The following CADM2 variants were observed in gnomAD, a reference collection of about 807,000 sequenced individuals.
CADM2 encodes immunoglobulin superfamily member 4D.
Under a neutral mutation model 49.8 loss-of-function variants are expected in CADM2, and 12 were observed. The observed-to-expected ratio is 0.24, with a 90% CI of 0.15 to 0.39. The LOEUF (loss-of-function observed/expected upper bound fraction) is 0.39. Ranked by LOEUF, CADM2 falls within the 10% of genes least tolerant of loss-of-function variation. CADM2 has a pLI of 1.00. For synonymous variants in CADM2, 214 were observed against 175.4 expected, an observed-to-expected ratio of 1.22 and a Z score of -1.74; for missense variants, 378 against 492.3, an observed-to-expected ratio of 0.77 and a Z score of 2.20.
intron 1 of CADM2, among the ~76,000 whole-genome samples, chr3:85,722,006 G>A (rs56133427): frequency 1.3e-4 from 19 of 150,502 alleles, no homozygotes; most frequent in Middle Eastern, 3.5e-3. Flanking sequence ...TCCTGTCTAC[G>A]GGCAGGTTGT....
At chr3:85,596,852 A>G (rs2044723) in intron 1 of CADM2, among the ~76,000 whole-genome samples, 90,210 of 151,786 alleles carry the variant, frequency 0.59, 28,292 homozygotes, top group East Asian at 0.93. Context: ...TACTAGCCGG[A>G]ACTACAGGCA....
chr3:85,408,649 A>C (rs1212053720), intron 1 of CADM2, among the ~76,000 whole-genome samples: 2 of 152,182 alleles, frequency 1.3e-5, no homozygotes, highest in Non-Finnish European at 2.9e-5. Flanking sequence ...TCTTATTCTG[A>C]GCAGTGCACT....
chr3:85,320,930 G>A (rs2044581629), intron 1 of CADM2, among the ~76,000 whole-genome samples: 1 of 129,340 alleles, frequency 7.7e-6, no homozygotes, highest in African/African-American at 2.5e-5. Flanking sequence ...ATTTCTGTTA[G>A]ATTTTTTTTT....
chr3:85,458,586 C>T (rs1424758814), intron 1 of CADM2, among the ~76,000 whole-genome samples: 2 of 152,108 alleles, frequency 1.3e-5, no homozygotes, highest in African/African-American at 4.8e-5. Flanking sequence ...AATTTGATTT[C>T]TCCTCTCATT....
At chr3:85,858,830 A>G (rs928879785) in intron 3 of CADM2, among the ~76,000 whole-genome samples, 4 of 152,250 alleles carry the variant, frequency 2.6e-5, no homozygotes, top group African/African-American at 9.6e-5. Context: ...CACATTAATC[A>G]TGTGCCAAAG....
intron 1 of CADM2, among the ~76,000 whole-genome samples, chr3:85,033,998 A>C (rs2035098961): frequency 6.6e-6 from 1 of 152,118 alleles, no homozygotes; most frequent in Non-Finnish European, 1.5e-5. Context: ...GTGAGTACAT[A>C]TTAGGTGTAT....
intron 1 of CADM2, among the ~76,000 whole-genome samples, chr3:85,355,029 A>C (rs2031736783): frequency 6.6e-6 from 1 of 152,106 alleles, no homozygotes; most frequent in Non-Finnish European, 1.5e-5. Flanking sequence ...TCGACGCTCA[A>C]ACTTCAGAGC....
At chr3:85,191,281 A>G (rs2041200730) in intron 1 of CADM2, among the ~76,000 whole-genome samples, 1 of 152,032 alleles carries the variant, frequency 6.6e-6, no homozygotes, top group Admixed American at 6.6e-5. Context: ...ATCATAACTT[A>G]TTTTTGAGTC....
intron 1 of CADM2, among the ~76,000 whole-genome samples, chr3:85,309,120 A>G (rs1377347141): frequency 6.6e-6 from 1 of 152,084 alleles, no homozygotes; most frequent in Non-Finnish European, 1.5e-5. Flanking sequence ...GCCATAATTT[A>G]TGGTAAAGGG....
intron 1 of CADM2, among the ~76,000 whole-genome samples, chr3:85,549,196 G>A (rs528881416): frequency 7.9e-5 from 12 of 152,178 alleles, no homozygotes; most frequent in East Asian, 7.7e-4. Flanking sequence ...TTTCTGATAC[G>A]AAAATCAAAT....
intron 1 of CADM2, among the ~76,000 whole-genome samples, chr3:85,362,962 T>C (rs1402170816): frequency 6.6e-6 from 1 of 152,196 alleles, no homozygotes; most frequent in Admixed American, 6.5e-5. Context: ...TTGAGTTCAT[T>C]GCATACTTTC....
At chr3:85,790,496 GA>G (rs1359986729) in intron 2 of CADM2, among the ~76,000 whole-genome samples, 1 of 152,124 alleles carries the variant, frequency 6.6e-6, no homozygotes, top group Non-Finnish European at 1.5e-5. Flanking sequence ...TTCTACAGGA[GA>G]ATTATAATTC....
At chr3:85,516,459 G>T (rs1476027049) in intron 1 of CADM2, among the ~76,000 whole-genome samples, 2 of 152,096 alleles carry the variant, frequency 1.3e-5, no homozygotes, top group African/African-American at 2.4e-5. Flanking sequence ...AGGCAGGTAG[G>T]TAGGTAGATA....
chr3:85,678,388 A>C (rs1388747919), intron 1 of CADM2, among the ~76,000 whole-genome samples: 1 of 152,170 alleles, frequency 6.6e-6, no homozygotes, highest in Non-Finnish European at 1.5e-5. Context: ...TTAGAATCCT[A>C]GGCTATATCC....
At chr3:85,331,462 C>T (rs1328637279) in intron 1 of CADM2, among the ~76,000 whole-genome samples, 1 of 151,620 alleles carries the variant, frequency 6.6e-6, no homozygotes, top group African/African-American at 2.4e-5. Context: ...TTGGTTTTCT[C>T]ATGACTCTAT....
chr3:85,449,357 C>CT lies in CADM2; in HGVS notation c.62-277158dup, dbSNP rs34211438. Reference sequence around the variant, plus strand: ...GCTCCTGAAAGTTTAGAAATTATTCCTTTTTTTAAGTCAAATTGCACTTGC... The same window carrying CT: ...GCTCCTGAAAGTTTAGAAATTATTCCTTTTTTTTAAGTCAAATTGCACTTGC... On this transcript the variant is annotated intron_variant, in intron 1 of 9. Transcript: ENST00000383699. 9.4e-4 allele frequency among the ~76,000 whole-genome samples: 143 copies of CT among 151,790 alleles called. 1 individual carries two copies. Among genetic ancestry groups the CT allele is most frequent in the Non-Finnish European group, 9.6e-4 (65 of 67,914 alleles).
At chr3:85,039,076 G>A (rs940013170) in intron 1 of CADM2, among the ~76,000 whole-genome samples, 1 of 152,016 alleles carries the variant, frequency 6.6e-6, no homozygotes, top group South Asian at 2.1e-4. Context: ...GCCAATAAAT[G>A]GTGCAATCTC....
intron 1 of CADM2, among the ~76,000 whole-genome samples, chr3:85,302,137 T>C (rs998821002): frequency 6.6e-6 from 1 of 152,074 alleles, no homozygotes; most frequent in Non-Finnish European, 1.5e-5. Flanking sequence ...ATGGAATATT[T>C]TGCCTCTATG....
intron 8 of CADM2, among the ~76,000 whole-genome samples, chr3:85,976,903 T>G (rs1488431204): frequency 6.6e-6 from 1 of 151,606 alleles, no homozygotes; most frequent in African/African-American, 2.4e-5. Context: ...TTATTAAAAC[T>G]ACTCATCTTT....
Sources: gnomAD v4.1 joint callset for allele counts (sites outside exome capture counted in the v4.1 genomes callset) on GRCh38, gnomAD v4.1.1 for gene constraint, MANE v1.5 for transcripts, NCBI Gene and HGNC (gene_info 2026-07-23, HGNC 2026-07-21) for gene names.